The following MAGI2 variants were observed in gnomAD, a reference collection of about 807,000 sequenced individuals.
MAGI2 encodes membrane associated guanylate kinase, WW and PDZ domain containing 2, also known as membrane-associated guanylate kinase, WW and PDZ domain-containing protein 2.
In MAGI2, 35 loss-of-function variants were observed where a neutral mutation model predicts 133.3. The observed-to-expected ratio is 0.26, with a 90% confidence interval of 0.20 to 0.35. MAGI2 has a LOEUF of 0.35. Among genes scored for constraint, MAGI2 ranks in the 10% least tolerant of loss-of-function variants. MAGI2 has a pLI of 1.00. For synonymous variants in MAGI2, 729 were observed against 710.6 expected (o/e 1.03, Z -0.41); for missense variants, 1,636 against 1,863.4 (o/e 0.88, Z 2.25).
intron 1 of MAGI2, chr7:79,410,685 A>G (rs2129170961): frequency 6.6e-6 from 1 of 152,248 alleles, no homozygotes; most frequent in Admixed American, 6.5e-5. Context: ...TGCCCACTCA[A>G]ATAGGTTTAT....
At chr7:79,261,523 T>C (rs935587255) in intron 1 of MAGI2, among the ~76,000 whole-genome samples, 22 of 152,276 alleles carry the variant, frequency 1.4e-4, no homozygotes, top group African/African-American at 5.3e-4. Flanking sequence ...TTTTTGCCAT[T>C]TCCTTCAAGT....
chr7:78,242,552 C>T (rs910523968), intron 10 of MAGI2, among the ~76,000 whole-genome samples: 4 of 152,162 alleles, frequency 2.6e-5, no homozygotes, highest in African/African-American at 9.7e-5. Context: ...CTGCTGACTT[C>T]AAATGGAAAG....
intron 1 of MAGI2, among the ~76,000 whole-genome samples, chr7:79,107,048 T>C (rs578170483): frequency 2.6e-5 from 4 of 152,308 alleles, no homozygotes; most frequent in Non-Finnish European, 4.4e-5. Flanking sequence ...CTGGAACCCA[T>C]GAATAGGTTC....
chr7:78,765,661 A>G (rs1008032501), intron 2 of MAGI2, among the ~76,000 whole-genome samples: 1 of 152,106 alleles, frequency 6.6e-6, no homozygotes, highest in Admixed American at 6.5e-5. Flanking sequence ...TGCATATCTT[A>G]TATCTGAGTT....
At chr7:78,042,388 T>C (rs1810948814) in intron 21 of MAGI2, among the ~76,000 whole-genome samples, 1 of 152,238 alleles carries the variant, frequency 6.6e-6, no homozygotes, top group Admixed American at 6.5e-5. Flanking sequence ...TGCTACTTTG[T>C]AAGACAACAT....
intron 9 of MAGI2, among the ~76,000 whole-genome samples, chr7:78,323,831 A>T (rs1562822630): frequency 6.6e-6 from 1 of 152,162 alleles, no homozygotes; most frequent in East Asian, 1.9e-4. Flanking sequence ...AATGATACTC[A>T]CTTATTGATT....
chr7:78,352,453 T>G (rs996274637), intron 7 of MAGI2, among the ~76,000 whole-genome samples: 1 of 152,224 alleles, frequency 6.6e-6, no homozygotes, highest in African/African-American at 2.4e-5. Flanking sequence ...TCCTGCCTCT[T>G]GAAAGATTTC....
chr7:79,381,184 T>C (rs1843749281), intron 1 of MAGI2, among the ~76,000 whole-genome samples: 1 of 151,714 alleles, frequency 6.6e-6, no homozygotes, highest in Non-Finnish European at 1.5e-5. Context: ...TCTGCATCTC[T>C]GCATCTCCTT....
chr7:78,256,518 T>G lies in MAGI2; in HGVS notation c.1472A>C (p.Lys491Thr), dbSNP rs1419763232. ...VLGHTHADVV[K>T]LFQSVPIGQS... ...ACCAATAGGAACAGACTGGAAAAGT[T>G]TGACAACATCTGCATGAGTGTGTCC... Residue 491 changes from lysine (K) to threonine (T), a missense_variant, in exon 10 of 22, where the codon AAA becomes ACA. Physicochemically the swap from Lys to Thr is moderately conservative, Grantham distance 78 (BLOSUM62 -1). This residue lies in a region of MAGI2 where 920 missense variants were observed against 1,093.5 expected (regional missense o/e 0.84). Transcript: ENST00000354212. 1 of 1,613,804 alleles carries G rather than the reference T, an allele frequency of 6.2e-7. No individual in the cohort carries two copies. Among genetic ancestry groups the G allele is most frequent in the Non-Finnish European group, 8.5e-7 (1 of 1,179,950 alleles).
chr7:79,057,598 C>T (rs1198826724), intron 1 of MAGI2, among the ~76,000 whole-genome samples: 1 of 152,186 alleles, frequency 6.6e-6, no homozygotes, highest in Non-Finnish European at 1.5e-5. Flanking sequence ...TCTCTCAGCC[C>T]TTCTTTATGA....
intron 9 of MAGI2, among the ~76,000 whole-genome samples, chr7:78,317,805 C>T (rs1584852788): frequency 6.6e-6 from 1 of 152,222 alleles, no homozygotes; most frequent in East Asian, 1.9e-4. Context: ...AGGCAGCAAT[C>T]TTCGCTGTTC....
intron 2 of MAGI2, among the ~76,000 whole-genome samples, chr7:78,777,993 G>A (rs983359446): frequency 6.6e-6 from 1 of 152,154 alleles, no homozygotes; most frequent in African/African-American, 2.4e-5. Context: ...TAGAAGGGCT[G>A]TCTGTACCCA....
At chr7:79,396,140 CT>C (rs1474066162) in intron 1 of MAGI2, among the ~76,000 whole-genome samples, 12 of 150,290 alleles carry the variant, frequency 8.0e-5, no homozygotes, top group Admixed American at 7.9e-4. Context: ...TTTTTTTTTT[CT>C]TTCTTGGGCT....
At chr7:79,296,737 G>C (rs115621212) in intron 1 of MAGI2, among the ~76,000 whole-genome samples, 109 of 152,242 alleles carry the variant, frequency 7.2e-4, no homozygotes, top group African/African-American at 2.5e-3. Context: ...GTATAGAGGA[G>C]AGGGGAGAAT....
At chr7:78,579,956 T>C (rs1001872003) in intron 3 of MAGI2, among the ~76,000 whole-genome samples, 1 of 152,170 alleles carries the variant, frequency 6.6e-6, no homozygotes, top group Non-Finnish European at 1.5e-5. Context: ...ATATCCAGTA[T>C]TGTACACCTG....
chr7:79,050,928 T>C (rs989697613), intron 1 of MAGI2, among the ~76,000 whole-genome samples: 1 of 152,196 alleles, frequency 6.6e-6, no homozygotes, highest in Non-Finnish European at 1.5e-5. Context: ...TTGAATATAA[T>C]CCGACAGAAT....
chr7:78,633,833 T>A (rs1461738984), intron 2 of MAGI2, among the ~76,000 whole-genome samples: 2 of 152,146 alleles, frequency 1.3e-5, no homozygotes, highest in African/African-American at 4.8e-5. Flanking sequence ...ACATATATGA[T>A]TCTAGATAAA....
At chr7:79,269,091 G>T (rs182579114) in intron 1 of MAGI2, among the ~76,000 whole-genome samples, 32 of 152,266 alleles carry the variant, frequency 2.1e-4, no homozygotes, top group African/African-American at 7.5e-4. Flanking sequence ...CAAATCCCCA[G>T]CTGGAATCTG....
At chr7:78,223,940 T>C (rs1408404596) in intron 10 of MAGI2, among the ~76,000 whole-genome samples, 3 of 152,204 alleles carry the variant, frequency 2.0e-5, no homozygotes, top group Admixed American at 6.5e-5. Flanking sequence ...AATTGCTCCA[T>C]GTTTAAGCTT....
Sources: gnomAD v4.1 joint callset for allele counts (sites outside exome capture counted in the v4.1 genomes callset) on GRCh38, gnomAD v4.1.1 for gene constraint, gnomAD v4.1.1 regional missense constraint, MANE v1.5 for transcripts, NCBI Gene and HGNC (gene_info 2026-07-23, HGNC 2026-07-21) for gene names.